Variants in SLC25A26 observed in about 807,000 individuals in gnomAD.
SLC25A26 encodes the protein mitochondrial S-adenosylmethionine carrier protein.
SLC25A26 carries 36 observed loss-of-function variants against 37.8 expected under a neutral mutation model. The observed-to-expected ratio is 0.95, with a 90% CI of 0.73 to 1.26. SLC25A26 has a LOEUF of 1.26. Ranked by LOEUF, SLC25A26 falls within the 50% of genes most tolerant of loss-of-function variation. SLC25A26 has a pLI of 0.00. For synonymous variants in SLC25A26, 129 were observed against 122.5 expected, an observed-to-expected ratio of 1.05 and a Z score of -0.35; for missense variants, 390 against 331.1, an observed-to-expected ratio of 1.18 and a Z score of -1.38.
intron 1 of SLC25A26, among the ~76,000 whole-genome samples, chr3:66,234,126 G>C (rs567296379): frequency 1.2e-4 from 18 of 152,190 alleles, no homozygotes; most frequent in Middle Eastern, 3.4e-3. Flanking sequence ...GTGTTGCCCA[G>C]GCAGGAGCGT....
At chr3:66,201,975 G>A (rs1195204631) in intron 1 of SLC25A26, among the ~76,000 whole-genome samples, 2 of 151,970 alleles carry the variant, frequency 1.3e-5, no homozygotes, top group African/African-American at 2.4e-5. Context: ...ATGAAATCAA[G>A]GAAGCTGCCA....
rs985228337 is a variant in SLC25A26 at position 66,196,306 on chromosome 3, G to A, written c.-353-24436G>A. On this transcript the variant is annotated intron_variant, in intron 1 of 10. Coordinates refer to the SLC25A26 transcript ENST00000676754. ...CATGCTGACTTCGCAGCTTCTGTGC[G>A]TATCTATGCACTCAACTTGTCAGTG... 2.3e-3 allele frequency among the ~76,000 whole-genome samples: 354 copies of A among 152,302 alleles called. 6 individuals carry two copies. The highest frequency in any genetic ancestry group is 8.0e-3 in the African/African-American group (333 of 41,552).
intron 1 of SLC25A26, among the ~76,000 whole-genome samples, chr3:66,173,656 A>G (rs1424614103): frequency 6.6e-6 from 1 of 152,228 alleles, no homozygotes; most frequent in Non-Finnish European, 1.5e-5. Context: ...ATAAAAGAAC[A>G]TAATTGCCTT....
At chr3:66,360,179 G>C (rs1396634155) in intron 6 of SLC25A26, among the ~76,000 whole-genome samples, 3 of 152,282 alleles carry the variant, frequency 2.0e-5, no homozygotes, top group South Asian at 4.1e-4. Context: ...TGTCAGTGGA[G>C]AAGCATTCAG....
intron 5 of SLC25A26, among the ~76,000 whole-genome samples, chr3:66,334,991 T>C (rs988447234): frequency 2.0e-5 from 3 of 152,264 alleles, no homozygotes; most frequent in Non-Finnish European, 4.4e-5. Context: ...TCCTGATTTA[T>C]CTCTTAATTG....
chr3:66,322,752 T>G (rs1481983355), intron 5 of SLC25A26, among the ~76,000 whole-genome samples: 1 of 140,330 alleles, frequency 7.1e-6, no homozygotes, highest in South Asian at 2.1e-4. Flanking sequence ...CAGCACTCAG[T>G]CAGTGGTAAA....
intron 6 of SLC25A26, among the ~76,000 whole-genome samples, chr3:66,354,865 G>A (rs564574352): frequency 7.1e-4 from 108 of 152,222 alleles, no homozygotes; most frequent in African/African-American, 2.4e-3. Flanking sequence ...TCTGCCTGCC[G>A]CCATCCACAT....
chr3:66,293,542 G>A (rs1038207223), intron 5 of SLC25A26, among the ~76,000 whole-genome samples: 22 of 150,064 alleles, frequency 1.5e-4, no homozygotes, highest in African/African-American at 3.7e-4. Flanking sequence ...CCTCCTCCCA[G>A]CCTCCACCGT....
intron 3 of SLC25A26, among the ~76,000 whole-genome samples, chr3:66,258,823 T>C (rs1244406442): frequency 6.7e-6 from 1 of 150,250 alleles, no homozygotes; most frequent in African/African-American, 2.5e-5. Flanking sequence ...CATCTCTCTC[T>C]TTTTTCTTCT....
intron 1 of SLC25A26, among the ~76,000 whole-genome samples, chr3:66,166,792 G>C (rs2070430613): frequency 6.6e-6 from 1 of 152,070 alleles, no homozygotes; most frequent in African/African-American, 2.4e-5. Context: ...CCACAGACAT[G>C]AGCCTCGTCA....
intron 1 of SLC25A26, among the ~76,000 whole-genome samples, chr3:66,187,871 A>G (rs1025235989): frequency 2.0e-4 from 31 of 151,630 alleles, no homozygotes; most frequent in African/African-American, 7.3e-4. Context: ...GAATGAAAAG[A>G]CTCTGAAGCT....
chr3:66,301,151 T>C (rs2075065345), intron 5 of SLC25A26, among the ~76,000 whole-genome samples: 2 of 152,206 alleles, frequency 1.3e-5, no homozygotes, highest in African/African-American at 4.8e-5. Flanking sequence ...CATGTAAAGG[T>C]GAAAATTTAC....
chr3:66,163,347 T>A (rs1429164616), intron 1 of SLC25A26, among the ~76,000 whole-genome samples: 1 of 152,206 alleles, frequency 6.6e-6, no homozygotes, highest in Non-Finnish European at 1.5e-5. Flanking sequence ...CTCTGCAAGA[T>A]TGATATATTT....
chr3:66,184,648 TG>T (rs1175432592), intron 1 of SLC25A26, among the ~76,000 whole-genome samples: 4 of 12,518 alleles, frequency 3.2e-4, no homozygotes, highest in African/African-American at 1.4e-3. Context: ...AACCTGACCC[TG>T]ACCTTTATTC....
At chr3:66,282,380 A>G (rs889667100) in intron 5 of SLC25A26, among the ~76,000 whole-genome samples, 6 of 152,192 alleles carry the variant, frequency 3.9e-5, no homozygotes, top group Admixed American at 3.9e-4. Flanking sequence ...TCCCGACCTC[A>G]AGGGAGTCGC....
intron 5 of SLC25A26, among the ~76,000 whole-genome samples, chr3:66,320,867 C>A (rs528392515): frequency 1.3e-5 from 2 of 151,790 alleles, no homozygotes; most frequent in Admixed American, 6.6e-5. Context: ...TTAAAAGTGC[C>A]CTGAGTTCAA....
chr3:66,337,920 A>G (rs545654144), intron 5 of SLC25A26, among the ~76,000 whole-genome samples: 1 of 152,172 alleles, frequency 6.6e-6, no homozygotes, highest in African/African-American at 2.4e-5. Flanking sequence ...TAAAATTCAT[A>G]TATATTGAAA....
At chr3:66,261,161 G>A (rs1015719010) in intron 3 of SLC25A26, among the ~76,000 whole-genome samples, 7 of 152,224 alleles carry the variant, frequency 4.6e-5, no homozygotes, top group Non-Finnish European at 1.0e-4. Context: ...GGTTACATAT[G>A]TGAAATCTAA....
At chr3:66,353,824 T>C (rs1219199651) in intron 6 of SLC25A26, among the ~76,000 whole-genome samples, 2 of 152,340 alleles carry the variant, frequency 1.3e-5, no homozygotes, top group African/African-American at 2.4e-5. Context: ...GAACCGAATT[T>C]TCCACGTGCT....
Sources: allele counts gnomAD v4.1 joint callset (sites outside exome capture counted in the v4.1 genomes callset), GRCh38; gene constraint gnomAD v4.1.1; transcripts MANE v1.5; gene names NCBI Gene and HGNC (gene_info 2026-07-23, HGNC 2026-07-21).